The following CENPU variants were observed in gnomAD, a reference collection of about 807,000 sequenced individuals.
CENPU encodes centromere protein U, also known as KSHV latent nuclear antigen interacting protein 1.
In CENPU, 46 loss-of-function variants were observed where a neutral mutation model predicts 56.7. That is an observed-to-expected ratio of 0.81 (90% CI 0.64 to 1.04). The LOEUF (loss-of-function observed/expected upper bound fraction) is 1.04, where lower values mean the gene tolerates loss of function less well. Among genes scored for constraint, CENPU ranks in the 50% least tolerant of loss-of-function variants. The probability of loss-of-function intolerance (pLI) is 0.00; values close to 1 mark genes in which losing one functional copy is unlikely to be tolerated. For missense variants in CENPU, 510 were observed against 490.1 expected (o/e 1.04, Z -0.38); for synonymous variants, 166 against 163.0 (o/e 1.02, Z -0.14).
At chr4:184,717,825 CAGTT>C (rs2150219986) in intron 4 of CENPU, among the ~76,000 whole-genome samples, 1 of 152,148 alleles carries the variant, frequency 6.6e-6, no homozygotes, top group East Asian at 1.9e-4. Context: ...AAAAGCATCA[CAGTT>C]ATGACACTTG....
intron 8 of CENPU, among the ~76,000 whole-genome samples, chr4:184,709,219 T>A (rs891855391): frequency 2.0e-5 from 3 of 152,178 alleles, no homozygotes; most frequent in Non-Finnish European, 4.4e-5. Context: ...CCGGGTGCAG[T>A]GGCTCACGTC....
At chr4:184,712,119 C>CAAAAAAAAAA (rs10650384) in intron 7 of CENPU, among the ~76,000 whole-genome samples, 5 of 80,696 alleles carry the variant, frequency 6.2e-5, no homozygotes, top group Admixed American at 1.4e-4. Context: ...GACTCAGTCT[C>CAAAAAAAAAA]AAAAAAAAAA....
At chr4:184,725,322 C>T (rs59051283) in intron 3 of CENPU, among the ~76,000 whole-genome samples, 27,133 of 152,122 alleles carry the variant, frequency 0.18, 2,722 homozygotes, top group African/African-American at 0.26. Context: ...TTTTTGGTTT[C>T]TGAAACAGGG....
chr4:184,728,256 T>C (rs79805840), intron 3 of CENPU, among the ~76,000 whole-genome samples: 2,850 of 152,324 alleles, frequency 0.019, 233 homozygotes, highest in Admixed American at 0.15. Context: ...GGTGAATACA[T>C]TTCACCTTAT....
intron 4 of CENPU, among the ~76,000 whole-genome samples, chr4:184,717,982 T>C (rs1176781854): frequency 2.0e-5 from 3 of 152,234 alleles, no homozygotes; most frequent in African/African-American, 7.2e-5. Context: ...ACAGATAGAA[T>C]GTATTTTCTA....
At chr4:184,730,336 G>A (rs950267826) in intron 2 of CENPU, among the ~76,000 whole-genome samples, 3 of 152,038 alleles carry the variant, frequency 2.0e-5, no homozygotes, top group South Asian at 2.1e-4. Context: ...GAGAGCTATC[G>A]TCTGCAGGCT....
At chr4:184,731,855 C>A (rs1221504446) in intron 1 of CENPU, among the ~76,000 whole-genome samples, 4 of 142,436 alleles carry the variant, frequency 2.8e-5, no homozygotes, top group African/African-American at 5.2e-5. Context: ...AGCACAAGGA[C>A]CTTCTGTATG....
intron 12 of CENPU, 50 bp from the exon 13 acceptor site, chr4:184,695,451 G>A: frequency 7.7e-7 from 1 of 1,301,762 alleles, no homozygotes; most frequent in Non-Finnish European, 1.1e-6. Context: ...TCATAACCTT[G>A]TCCTTAGATA....
intron 1 of CENPU, among the ~76,000 whole-genome samples, chr4:184,732,045 A>G (rs999188993): frequency 1.3e-5 from 2 of 152,192 alleles, no homozygotes; most frequent in Non-Finnish European, 2.9e-5. Flanking sequence ...TCTACAGTCC[A>G]TACCCAAATC....
chr4:184,715,990 T>A (rs994758954), intron 6 of CENPU, among the ~76,000 whole-genome samples: 2 of 151,110 alleles, frequency 1.3e-5, no homozygotes, highest in South Asian at 4.2e-4. Flanking sequence ...TGGAGTGCAA[T>A]GGCGCAATCT....
At chr4:184,720,473 C>T (rs1391790056) in intron 4 of CENPU, among the ~76,000 whole-genome samples, 2 of 152,046 alleles carry the variant, frequency 1.3e-5, no homozygotes, top group Non-Finnish European at 2.9e-5. Context: ...TATTCAAAAA[C>T]GTAGTAACAG....
At chr4:184,717,328 C>A in intron 4 of CENPU, 132 bp from the exon 5 acceptor site, 1 of 666,296 alleles carries the variant, frequency 1.5e-6, no homozygotes, top group South Asian at 2.0e-5. Context: ...ACATACAAGT[C>A]TGCCACCTTC....
In CENPU at chr4:184,695,268, AT is replaced by A; in HGVS notation, c.*19del. ...ATGAGACTAGTCTTCCTATAGGCAC[AT>A]TTTAGTAGACTGCTCTTCTCATCCC... is the stretch of plus-strand genomic sequence containing the variant. On this transcript the variant is annotated 3_prime_UTR_variant, in exon 13 of 13. Coordinates refer to ENST00000281453, the MANE Select transcript of CENPU (RefSeq NM_024629.4). 1 of 1,532,194 alleles carries A rather than the reference AT, an allele frequency of 6.5e-7. No homozygotes were observed. Among genetic ancestry groups the A allele is most frequent in the Non-Finnish European group, 9.0e-7 (1 of 1,105,696 alleles). 94.9% of individuals were successfully genotyped at this position (1,532,194 alleles called of 1,614,324 possible).
intron 4 of CENPU, 101 bp from the exon 5 acceptor site, chr4:184,717,297 T>A: frequency 1.2e-6 from 1 of 840,238 alleles, no homozygotes; most frequent in East Asian, 2.5e-5. Flanking sequence ...CTCAATTTAA[T>A]GAGGAAATAT....
At position 184,694,233 on chromosome 4, in the gene CENPU, A is replaced by C. The variant is rs1449475986; in HGVS notation, c.*1055T>G. 2 of 1,107,014 alleles carry C rather than the reference A, an allele frequency of 1.8e-6. No individual in the cohort carries two copies. The highest frequency in any genetic ancestry group is 3.2e-5 in the African/African-American group (2 of 62,090). The allele number at this position is 1,107,014 out of a possible 1,614,324, so 68.6% of individuals were successfully genotyped here. A position where few individuals can be genotyped will look rare whatever the true frequency, so the allele number is the denominator to read the frequency against. ...AGCTGGACTGTCCACTTGTTAAAAA[A>C]TTAAATCCACCCTTGCTCTTCCGTC... is the stretch of plus-strand genomic sequence containing the variant. On this transcript the variant is annotated 3_prime_UTR_variant, in exon 13 of 13. Transcript: ENST00000281453.
At chr4:184,715,916 A>T (rs1397664639) in intron 6 of CENPU, among the ~76,000 whole-genome samples, 1 of 149,822 alleles carries the variant, frequency 6.7e-6, no homozygotes, top group Non-Finnish European at 1.5e-5. Flanking sequence ...CTTCTTTTCC[A>T]TACCTTCTAG....
chr4:184,727,064 C>T lies in CENPU; in HGVS notation c.214+1854G>A, dbSNP rs190783730. Among the ~76,000 whole-genome samples the T allele has an allele frequency of 4.6e-4, 68 of 146,612 alleles. 1 individual carries two copies. The highest frequency in any genetic ancestry group is 7.1e-4 in the Non-Finnish European group (48 of 67,242). On this transcript the variant is annotated intron_variant, in intron 3 of 12. Transcript: ENST00000281453. ...CCAGGAGGTGGAGGTTGCAGTGAGCCGAGATCGCGCCACTGCACTTCAGCC... is the reference window on the plus strand; with the variant it reads ...CCAGGAGGTGGAGGTTGCAGTGAGCTGAGATCGCGCCACTGCACTTCAGCC...
intron 9 of CENPU, 59 bp downstream of exon 9, chr4:184,702,304 G>T: frequency 6.7e-7 from 1 of 1,482,850 alleles, no homozygotes; most frequent in Non-Finnish European, 9.4e-7. Context: ...ACAACAATAT[G>T]CTGCTACAGG....
intron 2 of CENPU, among the ~76,000 whole-genome samples, chr4:184,730,263 G>A (rs765858077): frequency 2.6e-5 from 4 of 152,150 alleles, no homozygotes; most frequent in Admixed American, 6.5e-5. Context: ...AAGTAATGCC[G>A]GGGTGGGAGC....
Sources: gnomAD v4.1 joint callset for allele counts (sites outside exome capture counted in the v4.1 genomes callset) on GRCh38, gnomAD v4.1.1 for gene constraint, MANE v1.5 for transcripts, NCBI Gene and HGNC (gene_info 2026-07-23, HGNC 2026-07-21) for gene names.